Variants in TMEM181 observed in about 807,000 individuals in gnomAD.
TMEM181 encodes the protein G protein-coupled receptor 178.
A neutral mutation model predicts 71.9 loss-of-function variants in TMEM181; 39 were observed. The ratio of observed to expected loss-of-function variants is 0.54; its 90% CI spans 0.42 to 0.71. The LOEUF (loss-of-function observed/expected upper bound fraction) is 0.71. TMEM181 is among the 30% of genes least tolerant of loss of function. The probability of loss-of-function intolerance (pLI) is 0.00; values close to 1 mark genes in which losing one functional copy is unlikely to be tolerated. For missense variants in TMEM181, 595 were observed against 583.0 expected, an observed-to-expected ratio of 1.02 and a Z score of -0.21; for synonymous variants, 245 against 228.8, an observed-to-expected ratio of 1.07 and a Z score of -0.64.
chr6:158,634,400 G>A lies in TMEM181; in HGVS notation c.*2512G>A, dbSNP rs1021304365. 1 of 152,204 alleles carries A rather than the reference G, an allele frequency of 6.6e-6. No homozygotes were observed. The highest frequency in any genetic ancestry group is 1.5e-5 in the Non-Finnish European group (1 of 68,038). The allele number at this position is 152,204 out of a possible 1,614,324, so 9.4% of individuals were successfully genotyped here. On this transcript the variant is annotated 3_prime_UTR_variant, in exon 17 of 17. Transcript: ENST00000684151. ...GAAGAAAAAATAAATTATTTACTGA[G>A]GGTAGTTATGTTAAAGTTTTGCGAA... is the stretch of plus-strand genomic sequence containing the variant.
chr6:158,538,498 T>C (rs889448067), intron 1 of TMEM181, among the ~76,000 whole-genome samples: 4 of 152,070 alleles, frequency 2.6e-5, no homozygotes, highest in African/African-American at 7.2e-5. Context: ...AATATTTCTT[T>C]GGCAACACAG....
chr6:158,554,430 G>A (rs914068308), intron 1 of TMEM181, among the ~76,000 whole-genome samples: 3 of 151,976 alleles, frequency 2.0e-5, no homozygotes, highest in Non-Finnish European at 4.4e-5. Flanking sequence ...ATGTTGGCCA[G>A]GCTGGTCTCG....
intron 1 of TMEM181, among the ~76,000 whole-genome samples, chr6:158,537,488 C>T (rs1459851052): frequency 2.0e-5 from 3 of 152,208 alleles, no homozygotes; most frequent in Non-Finnish European, 4.4e-5. Flanking sequence ...CTTCAGCGGC[C>T]TAGGGGAGAG....
chr6:158,540,905 T>G (rs939901232), intron 1 of TMEM181, among the ~76,000 whole-genome samples: 6 of 152,210 alleles, frequency 3.9e-5, no homozygotes, highest in African/African-American at 1.4e-4. Context: ...ACTACAGGCA[T>G]GCACCACCAT....
chr6:158,557,659 A>G (rs943346551), upstream of TMEM181, among the ~76,000 whole-genome samples: 10 of 152,130 alleles, frequency 6.6e-5, no homozygotes, highest in Admixed American at 5.9e-4. Context: ...CTGGGATTAC[A>G]GGCACCCGCC....
At chr6:158,569,597 CT>C (rs57907555) in intron 1 of TMEM181, among the ~76,000 whole-genome samples, 1,645 of 139,758 alleles carry the variant, frequency 0.012, 15 homozygotes, top group African/African-American at 0.028. Context: ...TGCCCTTTCT[CT>C]TTTTTTTTTT....
At chr6:158,597,717 C>T (rs1350350302) in intron 6 of TMEM181, among the ~76,000 whole-genome samples, 2 of 151,918 alleles carry the variant, frequency 1.3e-5, no homozygotes, top group African/African-American at 4.8e-5. Context: ...CACTGTGTTG[C>T]CCAGGCTTGA....
chr6:158,544,218 TTGGG>T (rs1781451618), intron 1 of TMEM181, among the ~76,000 whole-genome samples: 3 of 144,148 alleles, frequency 2.1e-5, no homozygotes, highest in African/African-American at 5.1e-5. Context: ...TGTGTGTGTG[TTGGG>T]GTGAGGGAGA....
Position 158,560,161 on chromosome 6 carries a change from C to T in TMEM181, c.-64C>T, listed in dbSNP as rs1043496391. 7.1e-6 allele frequency: 7 copies of T among 984,914 alleles called. No individual in the cohort carries two copies. The highest frequency in any genetic ancestry group is 8.4e-6 in the Non-Finnish European group (7 of 829,760). 61.0% of individuals were successfully genotyped at this position (984,914 alleles called of 1,614,324 possible). A position where few individuals can be genotyped will look rare whatever the true frequency, so the allele number is the denominator to read the frequency against. On this transcript the variant is annotated 5_prime_UTR_variant, in exon 1 of 17. Coordinates refer to ENST00000684151, the MANE Select transcript of TMEM181 (RefSeq NM_001376852.1). Reference sequence around the variant, plus strand: ...CCGGCTGCGGCTGCCGCTGCCGAGGCTGCTGCGCGGCGCCTGGCGGGCTCG... The same window carrying T: ...CCGGCTGCGGCTGCCGCTGCCGAGGTTGCTGCGCGGCGCCTGGCGGGCTCG...
intron 6 of TMEM181, among the ~76,000 whole-genome samples, chr6:158,600,592 T>G (rs1321291880): frequency 6.8e-6 from 1 of 147,852 alleles, no homozygotes; most frequent in Non-Finnish European, 1.5e-5. Context: ...TGCCTCAGCC[T>G]CCCAAGTAGC....
intron 3 of TMEM181, among the ~76,000 whole-genome samples, chr6:158,581,655 T>C (rs539276922): frequency 4.2e-5 from 6 of 141,960 alleles, no homozygotes; most frequent in Non-Finnish European, 7.5e-5. Flanking sequence ...CTCGGGAGGC[T>C]GAAGCAGGAG....
At chr6:158,544,975 C>T (rs1177170212) in intron 1 of TMEM181, among the ~76,000 whole-genome samples, 3 of 152,144 alleles carry the variant, frequency 2.0e-5, no homozygotes, top group Admixed American at 6.5e-5. Flanking sequence ...GTGAAAATGC[C>T]CTGGCAAGAC....
In TMEM181 at chr6:158,632,032, C is replaced by T; in HGVS notation, c.*144C>T. The stretch of plus-strand genomic sequence containing the variant: ...TTTACATATTTTTTTAAAGGAAAAC[C>T]AAAACTGAGGGTAAATTTAAATGTT... On this transcript the variant is annotated 3_prime_UTR_variant, in exon 17 of 17. Coordinates refer to ENST00000684151, the MANE Select transcript of TMEM181 (RefSeq NM_001376852.1). The T allele has an allele frequency of 1.3e-6, 1 of 780,576 alleles. No homozygotes were observed. Among genetic ancestry groups the T allele is most frequent in the Non-Finnish European group, 2.0e-6 (1 of 496,170 alleles). The allele number at this position is 780,576 out of a possible 1,614,324, so 48.4% of individuals were successfully genotyped here. A position where few individuals can be genotyped will look rare whatever the true frequency, so the allele number is the denominator to read the frequency against.
chr6:158,625,613 G>A, intron 12 of TMEM181, 90 bp from the exon 13 acceptor site: 1 of 1,203,668 alleles, frequency 8.3e-7, no homozygotes, highest in Non-Finnish European at 1.2e-6. Context: ...TGTCCAAAGA[G>A]CTTTGCTTAA....
At chr6:158,611,245 A>G in intron 10 of TMEM181, 1 of 496,172 alleles carries the variant, frequency 2.0e-6, no homozygotes, top group Non-Finnish European at 4.1e-6. Context: ...TGACTGTGAC[A>G]CTCCTGGCTG....
intron 1 of TMEM181, among the ~76,000 whole-genome samples, chr6:158,563,544 C>G (rs1171479531): frequency 6.6e-6 from 1 of 152,338 alleles, no homozygotes; most frequent in East Asian, 1.9e-4. Context: ...AACCACCAGG[C>G]TGCACTGCCT....
intron 13 of TMEM181, chr6:158,626,525 T>TG (rs1786284249): frequency 2.2e-6 from 1 of 456,436 alleles, no homozygotes; most frequent in Admixed American, 2.4e-5. Flanking sequence ...GCTTTCCAGG[T>TG]GGGCTCTGGG....
intron 1 of TMEM181, among the ~76,000 whole-genome samples, chr6:158,547,235 T>C (rs771491565): frequency 1.3e-5 from 2 of 152,210 alleles, no homozygotes; most frequent in Non-Finnish European, 2.9e-5. Flanking sequence ...TGAACCATGA[T>C]TGTGCCACTG....
chr6:158,575,409 A>T (rs1167990156), intron 2 of TMEM181, among the ~76,000 whole-genome samples: 3 of 151,906 alleles, frequency 2.0e-5, no homozygotes, highest in African/African-American at 4.8e-5. Context: ...GCTCACTGCA[A>T]CCTCTTCCTC....
Sources: allele counts gnomAD v4.1 joint callset (sites outside exome capture counted in the v4.1 genomes callset), GRCh38; gene constraint gnomAD v4.1.1; transcripts MANE v1.5; gene names NCBI Gene and HGNC (gene_info 2026-07-23, HGNC 2026-07-21).